LAD1: variants seen among roughly 807,000 people sequenced by gnomAD.
LAD1 encodes the protein ladinin 1, also known as ladinin-1.
LAD1 carries 53 observed loss-of-function variants against 54.2 expected under a neutral mutation model. The observed-to-expected ratio is 0.98, with a 90% CI of 0.78 to 1.23. LAD1 has a LOEUF of 1.23. Ranked by LOEUF, LAD1 falls within the 50% of genes most tolerant of loss-of-function variation. The probability of loss-of-function intolerance (pLI) is 0.00; values close to 1 mark genes in which losing one functional copy is unlikely to be tolerated. For missense variants in LAD1, 637 were observed against 653.3 expected, an observed-to-expected ratio of 0.98 and a Z score of 0.27; for synonymous variants, 231 against 257.7, an observed-to-expected ratio of 0.90 and a Z score of 0.99.
Position 201,389,247 on chromosome 1 carries a change from C to T in LAD1, c.95G>A (p.Arg32Gln), listed in dbSNP as rs1271839352. The T allele has an allele frequency of 6.8e-6, 11 of 1,613,956 alleles. No homozygotes were observed. Among genetic ancestry groups the T allele is most frequent in the South Asian group, 5.5e-5 (5 of 91,088 alleles). ...GGTGGAGCTCAGGTTGCGGTGCCGC[C>T]GCCTGCGCTCGCGCTCCTGTTCCTC... is the stretch of plus-strand genomic sequence containing the variant. Reference protein sequence around the residue: ...DEEEQERERRRRHRNLSSTTD... With the variant: ...DEEEQERERRQRHRNLSSTTD... Residue 32 changes from arginine to glutamine, a missense_variant, in exon 2 of 10, where the codon CGG (arginine) becomes CAG (glutamine). Physicochemically the swap from Arg to Gln is conservative, Grantham distance 43 (BLOSUM62 1). Transcript: ENST00000391967.
At chr1:201,394,332 C>T (rs1558273867) in intron 1 of LAD1, among the ~76,000 whole-genome samples, 1 of 152,106 alleles carries the variant, frequency 6.6e-6, no homozygotes, top group East Asian at 1.9e-4. Flanking sequence ...CTGCCCATCA[C>T]CCCAAGGGGA....
rs1662154279 is a variant in LAD1, at chr1:201,389,281, CCA to C, written c.59_60del (p.Leu20ArgfsTer3). On this transcript the variant is annotated frameshift_variant, in exon 2 of 10. Coordinates refer to ENST00000391967, the MANE Select transcript of LAD1 (RefSeq NM_005558.4). LOFTEE classifies it high-confidence loss of function. Reference protein sequence around the residue: ...ALSSLARQRTLEDEEEQERER... With the variant: ...ALSSLARQRTXEDEEEQERER... ...TCGCGCTCCTGTTCCTCCTCATCCT[CCA>C]GAGTCCTCTGCCGGGCAAGGCTGGG... 1 of 1,613,528 alleles carries C rather than the reference CCA, an allele frequency of 6.2e-7. No individual in the cohort carries two copies. Among genetic ancestry groups the C allele is most frequent in the Admixed American group, 1.7e-5 (1 of 60,010 alleles).
At position 201,386,064 on chromosome 1, in the gene LAD1, G is replaced by A. The variant is rs549726150; in HGVS notation, c.1027-259C>T. 7.9e-5 allele frequency among the ~76,000 whole-genome samples: 12 copies of A among 152,304 alleles called. 1 individual carries two copies. The highest frequency in any genetic ancestry group is 1.8e-4 in the Non-Finnish European group (12 of 67,998). ...CCCACTAGTCTGCCGGGGTCCTGGA[G>A]CCCAGGCCCTGGATGAGGATATGGT... is the stretch of plus-strand genomic sequence containing the variant. On this transcript the variant is annotated intron_variant, in intron 3 of 9. Coordinates refer to ENST00000391967, the MANE Select transcript of LAD1 (RefSeq NM_005558.4).
intron 1 of LAD1, among the ~76,000 whole-genome samples, chr1:201,390,398 A>C (rs979410430): frequency 6.6e-6 from 1 of 151,106 alleles, no homozygotes; most frequent in Admixed American, 6.6e-5. Context: ...TTAGCTGGGC[A>C]TAGCGGTGCA....
chr1:201,392,259 C>A (rs1662208515), intron 1 of LAD1, among the ~76,000 whole-genome samples: 1 of 152,240 alleles, frequency 6.6e-6, no homozygotes, highest in African/African-American at 2.4e-5. Context: ...TAAAAAATTA[C>A]TTTTGAGGAC....
intron 1 of LAD1, among the ~76,000 whole-genome samples, chr1:201,396,759 G>A (rs946719511): frequency 2.6e-5 from 4 of 152,152 alleles, no homozygotes; most frequent in African/African-American, 4.8e-5. Context: ...AGCAGGGCAG[G>A]CCTTAAGTTC....
intron 1 of LAD1, 50 bp downstream of exon 1, chr1:201,399,218 CA>C: frequency 6.8e-7 from 1 of 1,471,920 alleles, no homozygotes; most frequent in Non-Finnish European, 9.2e-7. Flanking sequence ...AGAGGAGACC[CA>C]AAGGCTCCCC....
chr1:201,396,467 A>G (rs747076188), intron 1 of LAD1, among the ~76,000 whole-genome samples: 49 of 152,116 alleles, frequency 3.2e-4, no homozygotes, highest in Non-Finnish European at 4.9e-4. Context: ...GCAGCAACTG[A>G]TGGCAGGGAT....
chr1:201,392,597 G>A (rs1662214999), intron 1 of LAD1, among the ~76,000 whole-genome samples: 1 of 152,196 alleles, frequency 6.6e-6, no homozygotes, highest in Non-Finnish European at 1.5e-5. Flanking sequence ...GGTATTCAGG[G>A]GAAGACGGGA....
chr1:201,382,812 TG>T, intron 7 of LAD1, 73 bp from the exon 8 acceptor site: 1 of 1,214,816 alleles, frequency 8.2e-7, no homozygotes, highest in South Asian at 1.3e-5. Flanking sequence ...GGCCCTGGAA[TG>T]GGATAGGACT....
intron 3 of LAD1, 98 bp downstream of exon 3, chr1:201,386,237 G>C (rs1197071340): frequency 8.2e-7 from 1 of 1,215,536 alleles, no homozygotes; most frequent in Middle Eastern, 2.9e-4. Context: ...TAGGAGGATG[G>C]AGGCAGCCAG....
rs940257487 is a variant in LAD1, at chr1:201,381,693, C to T, written c.*195G>A. 13 of 675,614 alleles carry T rather than the reference C, an allele frequency of 1.9e-5. No homozygotes were observed. Among genetic ancestry groups the T allele is most frequent in the Non-Finnish European group, 3.2e-5 (12 of 369,806 alleles). The allele number at this position is 675,614 out of a possible 1,614,324, so 41.9% of individuals were successfully genotyped here. A position where few individuals can be genotyped will look rare whatever the true frequency, so the allele number is the denominator to read the frequency against. ...CCGCAGGGTGAGAAAGTCCCAGCCC[C>T]AAGAGGCTGGGCTGGGAAGGAGCTG... On this transcript the variant is annotated 3_prime_UTR_variant, in exon 10 of 10. Transcript: ENST00000391967.
chr1:201,390,497 A>G (rs1571723117), intron 1 of LAD1, among the ~76,000 whole-genome samples: 1 of 152,158 alleles, frequency 6.6e-6, no homozygotes. Flanking sequence ...AGATAGTGCC[A>G]TTGCACTCCA....
At chr1:201,388,152 A>G (rs558118157) in intron 2 of LAD1, among the ~76,000 whole-genome samples, 2 of 152,318 alleles carry the variant, frequency 1.3e-5, no homozygotes, top group African/African-American at 4.8e-5. Context: ...CAGCACTGGG[A>G]AGTTGAGGCT....
At chr1:201,385,111 C>G (rs1335637897) in intron 4 of LAD1, among the ~76,000 whole-genome samples, 1 of 152,220 alleles carries the variant, frequency 6.6e-6, no homozygotes, top group African/African-American at 2.4e-5. Flanking sequence ...TGTTTCCTAT[C>G]TGCCTCCCAC....
rs1384735196 is a variant in LAD1 at position 201,395,319 on chromosome 1, T to TA, written c.38+3949dup. On this transcript the variant is annotated intron_variant, in intron 1 of 9. Coordinates refer to ENST00000391967, the MANE Select transcript of LAD1 (RefSeq NM_005558.4). ...AGCTGTTGAAACCCCAGTAATAAAT[T>TA]AAAAAACTGAGGGCTCAAAACAGTG... is the stretch of plus-strand genomic sequence containing the variant. 4.6e-5 allele frequency among the ~76,000 whole-genome samples: 7 copies of TA among 152,108 alleles called. No homozygotes were observed. In the South Asian group the frequency reaches 1.0e-3, roughly 23 times the overall value.
At chr1:201,397,638 G>T (rs958021386) in intron 1 of LAD1, among the ~76,000 whole-genome samples, 2 of 151,902 alleles carry the variant, frequency 1.3e-5, no homozygotes, top group Non-Finnish European at 2.9e-5. Flanking sequence ...TTCTGAAGAA[G>T]GAGTGTCTGG....
At chr1:201,399,156 A>G in intron 1 of LAD1, 113 bp downstream of exon 1, 1 of 921,332 alleles carries the variant, frequency 1.1e-6, no homozygotes, top group Non-Finnish European at 1.7e-6. Context: ...CAAGACCAGG[A>G]TCCAGCCTCA....
chr1:201,392,010 C>A (rs1018941591), intron 1 of LAD1, among the ~76,000 whole-genome samples: 1 of 152,256 alleles, frequency 6.6e-6, no homozygotes, highest in African/African-American at 2.4e-5. Flanking sequence ...AACTCTCTAC[C>A]CTTTGCTGTC....
Sources: allele counts gnomAD v4.1 joint callset (sites outside exome capture counted in the v4.1 genomes callset), GRCh38; gene constraint gnomAD v4.1.1; transcripts MANE v1.5; gene names NCBI Gene and HGNC (gene_info 2026-07-23, HGNC 2026-07-21).